Variants in GNPTAB observed in about 807,000 individuals in gnomAD.
GNPTAB encodes the protein N-acetylglucosamine-1-phosphotransferase subunits alpha/beta.
A neutral mutation model predicts 136.6 loss-of-function variants in GNPTAB; 92 were observed. The observed-to-expected ratio is 0.67, with a 90% CI of 0.57 to 0.80. The LOEUF (loss-of-function observed/expected upper bound fraction) is 0.80, where lower values mean the gene tolerates loss of function less well. Ranked by LOEUF, GNPTAB falls within the 30% of genes least tolerant of loss-of-function variation. GNPTAB has a pLI of 0.00. For synonymous variants in GNPTAB, 512 were observed against 535.1 expected (o/e 0.96, Z 0.60); for missense variants, 1,343 against 1,501.8 (o/e 0.89, Z 1.75).
chr12:101,798,354 C>G (rs11609764), intron 1 of GNPTAB, among the ~76,000 whole-genome samples: 21,477 of 152,100 alleles, frequency 0.14, 1,599 homozygotes, highest in South Asian at 0.22. Context: ...CCTCCAGCAT[C>G]CTATTCCACT....
intron 10 of GNPTAB, among the ~76,000 whole-genome samples, chr12:101,769,578 G>T (rs1011758688): frequency 6.6e-6 from 1 of 152,038 alleles, no homozygotes. Flanking sequence ...ATGATTATTT[G>T]ATCTCATATA....
Position 101,786,205 on chromosome 12 carries a change from T to C in GNPTAB, c.378A>G (p.Leu126=), listed in dbSNP as rs576672625. The C allele has an allele frequency of 2.2e-5, 36 of 1,612,382 alleles. No homozygotes were observed. The highest frequency in any genetic ancestry group is 2.8e-5 in the Non-Finnish European group (33 of 1,178,940). ...TAATGCAGTGTGTTAGCAAACACTC[T>C]AACTGCTTCTCACTGGAAAGAAACA... ...TEPTKKSEKQ[L]ECLLTHCIKV... Residue 126 remains leucine (L), a synonymous_variant, in exon 5 of 21, where the codon TTA becomes TTG. Coordinates refer to ENST00000299314, the MANE Select transcript of GNPTAB (RefSeq NM_024312.5).
At chr12:101,775,223 T>A (rs2137130425) in intron 7 of GNPTAB, among the ~76,000 whole-genome samples, 1 of 152,352 alleles carries the variant, frequency 6.6e-6, no homozygotes, top group East Asian at 1.9e-4. Context: ...GAAGGTGTAA[T>A]CTACTTTCAT....
chr12:101,755,761 G>C (rs1226084311), intron 18 of GNPTAB, among the ~76,000 whole-genome samples: 1 of 152,122 alleles, frequency 6.6e-6, no homozygotes, highest in Admixed American at 6.6e-5. Flanking sequence ...CATAAACAAG[G>C]GTTAATGATA....
chr12:101,746,837 T>C lies in GNPTAB; in HGVS notation c.*327A>G, dbSNP rs1952741707. The stretch of plus-strand genomic sequence containing the variant: ...ACTCCCAGCTGGCATAGGCTTCTCC[T>C]AATAAAGTTAGTCTGCAATGATTGC... On this transcript the variant is annotated 3_prime_UTR_variant, in exon 21 of 21. Coordinates refer to ENST00000299314, the MANE Select transcript of GNPTAB (RefSeq NM_024312.5). The C allele has an allele frequency of 3.7e-6, 1 of 268,318 alleles. No homozygotes were observed. Among genetic ancestry groups the C allele is most frequent in the Admixed American group, 5.0e-5 (1 of 20,194 alleles). 16.6% of individuals were successfully genotyped at this position (268,318 alleles called of 1,614,324 possible). A position where few individuals can be genotyped will look rare whatever the true frequency, so the allele number is the denominator to read the frequency against.
rs34083392 is a variant in GNPTAB at position 101,760,082 on chromosome 12, G to A, written c.3197C>T (p.Thr1066Met). Residue 1066 changes from threonine (T) to methionine (M), a missense_variant, in exon 16 of 21, where the codon ACG becomes ATG. By Grantham distance (81) the Thr-to-Met change is moderately conservative. Coordinates refer to ENST00000299314, the MANE Select transcript of GNPTAB (RefSeq NM_024312.5). ...AGTTGGTGGAATATTATTTAGCTGC[G>A]TGATATCAGCAGGAAGCATTTTTGA... Reference protein sequence around the residue: ...NCSKMLPADITQLNNIPPTQE... With the variant: ...NCSKMLPADIMQLNNIPPTQE... 1.2e-3 allele frequency: 1,911 copies of A among 1,613,482 alleles called. 19 individuals are homozygous for A. In the African/African-American group the frequency reaches 0.022, roughly 18 times the overall value.
At chr12:101,808,915 T>G (rs11111038) in intron 1 of GNPTAB, among the ~76,000 whole-genome samples, 10,251 of 152,304 alleles carry the variant, frequency 0.067, 433 homozygotes, top group East Asian at 0.12. Flanking sequence ...ATCATTGCAC[T>G]TCAGCCTGGG....
chr12:101,791,470 A>AAT (rs1489446484), intron 2 of GNPTAB, among the ~76,000 whole-genome samples: 1 of 151,708 alleles, frequency 6.6e-6, no homozygotes, highest in Non-Finnish European at 1.5e-5. Flanking sequence ...CAAAAAAAAA[A>AAT]AAATAATAAA....
intron 1 of GNPTAB, among the ~76,000 whole-genome samples, chr12:101,825,941 G>C (rs889672542): frequency 2.6e-5 from 4 of 152,220 alleles, no homozygotes; most frequent in African/African-American, 9.6e-5. Context: ...CCTAGGAGCA[G>C]GCCAGACGGT....
At chr12:101,825,941 G>A (rs889672542) in intron 1 of GNPTAB, among the ~76,000 whole-genome samples, 9 of 152,220 alleles carry the variant, frequency 5.9e-5, no homozygotes, top group African/African-American at 1.9e-4. Context: ...CCTAGGAGCA[G>A]GCCAGACGGT....
At chr12:101,829,684 G>T (rs931371004) in intron 1 of GNPTAB, among the ~76,000 whole-genome samples, 1 of 152,100 alleles carries the variant, frequency 6.6e-6, no homozygotes, top group Non-Finnish European at 1.5e-5. Context: ...ATAATATTAA[G>T]TACATATTTC....
intron 4 of GNPTAB, among the ~76,000 whole-genome samples, chr12:101,788,276 T>C (rs766514283): frequency 6.6e-6 from 1 of 152,188 alleles, no homozygotes; most frequent in Non-Finnish European, 1.5e-5. Flanking sequence ...AAGATAACAA[T>C]GCACCAAGAG....
rs1871323011 is a variant in GNPTAB, at chr12:101,830,644, T to C, written c.32A>G (p.Tyr11Cys). The change falls in exon 1 of 21, where the codon TAT becomes TGT. Residue 11 changes from tyrosine to cysteine, a missense_variant. Physicochemically the swap from Tyr to Cys is radical, Grantham distance 194. Transcript: ENST00000299314. MLFKLLQRQT[Y>C]TCLSHRYGLY... ...CCCATACCTGTGGGACAGGCAGGTATAGGTCTGTCTCTGCAGGAGCTTGAA... is the reference window on the plus strand; with the variant it reads ...CCCATACCTGTGGGACAGGCAGGTACAGGTCTGTCTCTGCAGGAGCTTGAA... 1.9e-6 allele frequency: 3 copies of C among 1,610,668 alleles called. No homozygotes were observed. The highest frequency in any genetic ancestry group is 1.3e-5 in the African/African-American group (1 of 74,760).
intron 16 of GNPTAB, 134 bp from the exon 17 acceptor site, chr12:101,757,791 A>G (rs890904925): frequency 3.0e-6 from 2 of 676,454 alleles, no homozygotes; most frequent in African/African-American, 1.8e-5. Flanking sequence ...CTGTGACTAC[A>G]TATACATCTT....
Position 101,746,716 on chromosome 12 carries a change from A to C in GNPTAB, c.*448T>G, listed in dbSNP as rs1594196967. ...ACTCAGAAGCAAGAATAACTAGTTA[A>C]CTTAGTAACTACTTAAAAATGGGAA... On this transcript the variant is annotated 3_prime_UTR_variant, in exon 21 of 21. Transcript: ENST00000299314. 6.1e-6 allele frequency: 1 copy of C among 164,056 alleles called. No individual in the cohort carries two copies. Among genetic ancestry groups the C allele is most frequent in the East Asian group, 1.7e-4 (1 of 5,808 alleles). 10.2% of individuals were successfully genotyped at this position (164,056 alleles called of 1,614,324 possible).
In GNPTAB at chr12:101,798,021, C is replaced by T. The variant is rs148990542; in HGVS notation, c.118-1259G>A. 4.3e-3 allele frequency among the ~76,000 whole-genome samples: 658 copies of T among 152,256 alleles called. 4 individuals carry two copies. The highest frequency in any genetic ancestry group is 0.01 in the Middle Eastern group (3 of 294). The stretch of plus-strand genomic sequence containing the variant: ...ATATCCATTCCAGTGAGTCCCTCTA[C>T]CCCACATTTTCTGTCCCTTTCAAGG... On this transcript the variant is annotated intron_variant, in intron 1 of 20. Transcript: ENST00000299314.
intron 10 of GNPTAB, 41 bp downstream of exon 10, chr12:101,769,980 G>A: frequency 6.3e-7 from 1 of 1,583,768 alleles, no homozygotes; most frequent in Non-Finnish European, 8.7e-7. Flanking sequence ...TTTGCTAAGT[G>A]ACTTCCACGC....
At position 101,797,443 on chromosome 12, in the gene GNPTAB, G is replaced by A. The variant is rs146423587; in HGVS notation, c.118-681C>T. On this transcript the variant is annotated intron_variant, in intron 1 of 20. Transcript: ENST00000299314. Reference sequence around the variant, plus strand: ...AGTTCGAGACCAGCCTGGGCAACACGGTGAAACCCCGTCTCTACTAAAATA... The same window carrying A: ...AGTTCGAGACCAGCCTGGGCAACACAGTGAAACCCCGTCTCTACTAAAATA... 9.1e-3 allele frequency among the ~76,000 whole-genome samples: 1,388 copies of A among 152,090 alleles called. 19 individuals are homozygous for A. Among genetic ancestry groups the A allele is most frequent in the Non-Finnish European group, 0.014 (940 of 67,992 alleles).
intron 5 of GNPTAB, among the ~76,000 whole-genome samples, chr12:101,781,168 T>C (rs560705415): frequency 3.9e-5 from 6 of 152,166 alleles, no homozygotes; most frequent in South Asian, 2.1e-4. Flanking sequence ...ACAGTAGGGA[T>C]TGGGGGTGAC....
Sources: allele counts gnomAD v4.1 joint callset (sites outside exome capture counted in the v4.1 genomes callset), GRCh38; gene constraint gnomAD v4.1.1; transcripts MANE v1.5; gene names NCBI Gene and HGNC (gene_info 2026-07-23, HGNC 2026-07-21).